The following KAT6B variants were observed in gnomAD, a reference collection of about 807,000 sequenced individuals.
KAT6B encodes histone acetyltransferase KAT6B.
In KAT6B, 10 loss-of-function variants were observed where a neutral mutation model predicts 187.5. That is an observed-to-expected ratio of 0.05 (90% CI 0.03 to 0.09). KAT6B has a LOEUF of 0.09. Among genes scored for constraint, KAT6B ranks in the 10% least tolerant of loss-of-function variants. The pLI, the probability that KAT6B is intolerant of heterozygous loss-of-function variation, is 1.00. For synonymous variants in KAT6B, 861 were observed against 926.8 expected (o/e 0.93, Z 1.29); for missense variants, 1,952 against 2,558.9 (o/e 0.76, Z 5.12).
At chr10:74,832,790 A>G (rs7905336) in intron 1 of KAT6B, among the ~76,000 whole-genome samples, 3,869 of 151,812 alleles carry the variant, frequency 0.025, 162 homozygotes, top group African/African-American at 0.088. Context: ...ATAAGCCACC[A>G]AGCCTGGCCT....
At chr10:74,844,276 G>A (rs763070242) in intron 3 of KAT6B, among the ~76,000 whole-genome samples, 4 of 151,824 alleles carry the variant, frequency 2.6e-5, no homozygotes, top group Non-Finnish European at 4.4e-5. Flanking sequence ...TCGGCTCACT[G>A]CAACCTCTGC....
chr10:74,945,486 C>T (rs1839882902), intron 3 of KAT6B, among the ~76,000 whole-genome samples: 3 of 151,942 alleles, frequency 2.0e-5, no homozygotes, highest in Non-Finnish European at 2.9e-5. Flanking sequence ...TTTTTTGAGA[C>T]GGAGTCTCAC....
At chr10:74,968,517 G>A (rs1177685132) in intron 4 of KAT6B, among the ~76,000 whole-genome samples, 1 of 152,074 alleles carries the variant, frequency 6.6e-6, no homozygotes, top group African/African-American at 2.4e-5. Flanking sequence ...GCTTTAGGGA[G>A]GAGGACCTTT....
At chr10:74,875,141 C>T (rs1844320453) in intron 3 of KAT6B, among the ~76,000 whole-genome samples, 1 of 152,156 alleles carries the variant, frequency 6.6e-6, no homozygotes. Context: ...GGATAATAGT[C>T]ATTTCAAGAA....
At chr10:74,882,630 A>G (rs902870003) in intron 3 of KAT6B, among the ~76,000 whole-genome samples, 1 of 152,230 alleles carries the variant, frequency 6.6e-6, no homozygotes, top group Non-Finnish European at 1.5e-5. Flanking sequence ...TGTGGTTTTT[A>G]AAGGTATGTC....
At chr10:75,002,023 G>A (rs577214373) in intron 13 of KAT6B, among the ~76,000 whole-genome samples, 9 of 152,294 alleles carry the variant, frequency 5.9e-5, no homozygotes, top group Admixed American at 2.0e-4. Flanking sequence ...TCTCTGCACC[G>A]TGTGGTCAGC....
intron 3 of KAT6B, among the ~76,000 whole-genome samples, chr10:74,864,875 G>A (rs1843443691): frequency 6.6e-6 from 1 of 152,194 alleles, no homozygotes; most frequent in Admixed American, 6.5e-5. Context: ...TATTCTTACA[G>A]GGCTTTTTAA....
At chr10:74,941,982 T>A (rs1176975311) in intron 3 of KAT6B, among the ~76,000 whole-genome samples, 1 of 152,012 alleles carries the variant, frequency 6.6e-6, no homozygotes, top group Non-Finnish European at 1.5e-5. Flanking sequence ...AAACCCCATC[T>A]CTACTAAAAA....
chr10:74,934,308 G>T (rs1849090274), intron 3 of KAT6B, among the ~76,000 whole-genome samples: 1 of 151,152 alleles, frequency 6.6e-6, no homozygotes, highest in Admixed American at 6.6e-5. Flanking sequence ...ATTTTTTTCT[G>T]AAAACTTTAT....
intron 13 of KAT6B, 134 bp downstream of exon 13, chr10:74,989,246 A>G: frequency 1.4e-6 from 1 of 712,648 alleles, no homozygotes; most frequent in Non-Finnish European, 2.6e-6. Context: ...ATTTATATTT[A>G]CATAGGTTAG....
At chr10:74,846,144 A>G (rs559179474) in intron 3 of KAT6B, among the ~76,000 whole-genome samples, 7 of 152,152 alleles carry the variant, frequency 4.6e-5, no homozygotes, top group African/African-American at 1.7e-4. Flanking sequence ...GATTATAGGC[A>G]TGAGCCACTG....
intron 3 of KAT6B, among the ~76,000 whole-genome samples, chr10:74,936,617 A>G (rs1450002207): frequency 6.6e-6 from 1 of 152,226 alleles, no homozygotes; most frequent in African/African-American, 2.4e-5. Flanking sequence ...AAATAATTTT[A>G]GATAGGAAAA....
At chr10:74,902,254 A>AC (rs1284847993) in intron 3 of KAT6B, among the ~76,000 whole-genome samples, 5 of 152,168 alleles carry the variant, frequency 3.3e-5, no homozygotes, top group African/African-American at 9.7e-5. Flanking sequence ...TCTTGCTGTC[A>AC]ACAAGTTTGT....
Position 74,838,387 on chromosome 10 carries a change from A to AT in KAT6B, c.-328-290dup, listed in dbSNP as rs576814926. On this transcript the variant is annotated intron_variant, in intron 1 of 17. Transcript: ENST00000287239. ...TTTTGTTTTGTTTTTCCATGATGAGATTTTTTCTTAGGAATCTATCACAAA... is the reference window on the plus strand; with the variant it reads ...TTTTGTTTTGTTTTTCCATGATGAGATTTTTTTCTTAGGAATCTATCACAAA... Among the ~76,000 whole-genome samples, 350 of 151,772 alleles carry AT rather than the reference A, an allele frequency of 2.3e-3. 1 individual carries two copies. The highest frequency in any genetic ancestry group is 7.6e-3 in the African/African-American group (315 of 41,354).
At chr10:74,826,831 G>C (rs1840271594) in intron 1 of KAT6B, 46 bp downstream of exon 1, 1 of 151,626 alleles carries the variant, frequency 6.6e-6, no homozygotes, top group Admixed American at 6.6e-5. Flanking sequence ...AGACTGGGCG[G>C]GAGGGGGGAA....
intron 3 of KAT6B, among the ~76,000 whole-genome samples, chr10:74,959,704 C>T (rs1363037502): frequency 6.6e-6 from 1 of 152,184 alleles, no homozygotes; most frequent in Non-Finnish European, 1.5e-5. Flanking sequence ...GCAGGGGAAT[C>T]GCTTGAACCC....
At chr10:74,873,643 T>C (rs905933043) in intron 3 of KAT6B, among the ~76,000 whole-genome samples, 14 of 152,096 alleles carry the variant, frequency 9.2e-5, no homozygotes, top group Admixed American at 8.5e-4. Context: ...ATCTGAAATA[T>C]GTTTTGAAGA....
chr10:75,005,084 G>T (rs1844112575), intron 13 of KAT6B, among the ~76,000 whole-genome samples: 2 of 152,142 alleles, frequency 1.3e-5, no homozygotes, highest in African/African-American at 4.8e-5. Context: ...CCTCATTTGG[G>T]TTTCAAGAGA....
Position 75,021,945 on chromosome 10 carries a change from G to A in KAT6B, c.3086G>A (p.Arg1029Lys), listed in dbSNP as rs1278663693. 6.2e-7 allele frequency: 1 copy of A among 1,614,038 alleles called. No homozygotes were observed. Among genetic ancestry groups the A allele is most frequent in the East Asian group, 2.2e-5 (1 of 44,902 alleles). The change falls in exon 16 of 18, where the codon AGA becomes AAA. Residue 1029 changes from arginine to lysine, a missense_variant. This residue lies in a region of KAT6B where 758 missense variants were observed against 891.4 expected (regional missense o/e 0.85). Coordinates refer to ENST00000287239, the MANE Select transcript of KAT6B (RefSeq NM_012330.4). ...EKEEQEILST[R>K]ANSRQSPAKV... ...GAGGAACAAGAAATCCTGTCAACTA[G>A]AGCTAACAGTAGGCAATCACCTGCA... is the stretch of plus-strand genomic sequence containing the variant.
Sources: allele counts gnomAD v4.1 joint callset (sites outside exome capture counted in the v4.1 genomes callset), GRCh38; gene constraint gnomAD v4.1.1; regional missense constraint gnomAD v4.1.1; transcripts MANE v1.5; gene names NCBI Gene and HGNC (gene_info 2026-07-23, HGNC 2026-07-21).